The following KANK4 variants were observed in gnomAD, a reference collection of about 807,000 sequenced individuals.
The protein encoded by KANK4 is KN motif and ankyrin repeat domain-containing protein 4.
KANK4 carries 50 observed loss-of-function variants against 80.8 expected under a neutral mutation model. That is an observed-to-expected ratio of 0.62 (90% CI 0.49 to 0.78). The LOEUF is 0.78. Ranked by LOEUF, KANK4 falls within the 30% of genes least tolerant of loss-of-function variation. KANK4 has a pLI of 0.00. For synonymous variants in KANK4, 465 were observed against 506.9 expected (o/e 0.92, Z 1.11); for missense variants, 1,196 against 1,240.1 (o/e 0.96, Z 0.53).
chr1:62,300,637 G>A (rs1007696030), intron 1 of KANK4, among the ~76,000 whole-genome samples: 3 of 152,060 alleles, frequency 2.0e-5, no homozygotes, highest in Non-Finnish European at 4.4e-5. Flanking sequence ...GTACAGGGTC[G>A]GGGAAGCGGA....
In KANK4 at chr1:62,273,561, C is replaced by T. The variant is rs555525766; in HGVS notation, c.1543G>A (p.Gly515Arg). ...GTEQEGGPQG[G>R]TRGAGGFLWG... is the part of the protein sequence containing the mutation. ...AGAAAGCCTCCTGCTCCCCTGGTTC[C>T]TCCCTGAGGGCCTCCTTCCTGTTCA... The change falls in exon 3 of 10, where the codon GGA becomes AGA. Residue 515 changes from glycine to arginine, a missense_variant. Physicochemically the swap from Gly to Arg is moderately radical, Grantham distance 125. This residue lies in a region of KANK4 where 1,154 missense variants were observed against 1,179.6 expected (regional missense o/e 0.98). Coordinates refer to ENST00000371153, the MANE Select transcript of KANK4 (RefSeq NM_181712.5). 61 of 1,613,940 alleles carry T rather than the reference C, an allele frequency of 3.8e-5. No individual in the cohort carries two copies. The Middle Eastern group carries it at 6.6e-4, about 17-fold the overall frequency.
At chr1:62,283,146 G>A (rs1386970134) in intron 1 of KANK4, among the ~76,000 whole-genome samples, 1 of 152,226 alleles carries the variant, frequency 6.6e-6, no homozygotes. Flanking sequence ...GCAGGAGGCA[G>A]TGGCAGGTGA....
chr1:62,263,346 C>T (rs771766012), intron 6 of KANK4, 35 bp from the exon 7 acceptor site: 10 of 1,544,856 alleles, frequency 6.5e-6, no homozygotes, highest in South Asian at 2.3e-5. Context: ...CCAAGAGGTT[C>T]CCCGGCCAGC....
At chr1:62,303,623 C>T (rs1378509694) in intron 1 of KANK4, among the ~76,000 whole-genome samples, 3 of 151,980 alleles carry the variant, frequency 2.0e-5, no homozygotes, top group African/African-American at 7.2e-5. Flanking sequence ...TAACTAACTA[C>T]TGAGCACTTG....
Position 62,273,725 on chromosome 1 carries a change from C to T in KANK4, c.1379G>A (p.Gly460Asp), listed in dbSNP as rs765197096. 35 of 1,613,998 alleles carry T rather than the reference C, an allele frequency of 2.2e-5. No homozygotes were observed. Among genetic ancestry groups the T allele is most frequent in the Middle Eastern group, 1.6e-4 (1 of 6,082 alleles). The change falls in exon 3 of 10, where the codon GGT becomes GAT. Residue 460 changes from glycine (G) to aspartate (D), a missense_variant. Around this residue, in one of 3 missense-constraint regions of KANK4, gnomAD observed 1,154 missense variants for 1,179.6 expected, o/e 0.98. Coordinates refer to ENST00000371153, the MANE Select transcript of KANK4 (RefSeq NM_181712.5). ...EENGLLWGPD[G>D]HKQGNQSPAE... ...TGGGCTCTGATTCCCTTGTTTATGA[C>T]CATCTGGCCCCCATAGGAGGCCATT...
In KANK4 at chr1:62,268,494, G is replaced by C. The variant is rs1268431570; in HGVS notation, c.2024C>G (p.Thr675Ser). 1.7e-5 allele frequency: 28 copies of C among 1,613,386 alleles called. No homozygotes were observed. Among genetic ancestry groups the C allele is most frequent in the Middle Eastern group, 1.6e-4 (1 of 6,084 alleles). Residue 675 changes from threonine (T) to serine (S), a missense_variant, in exon 5 of 10, where the codon ACC (threonine) becomes AGC (serine). Physicochemically the swap from Thr to Ser is moderately conservative, Grantham distance 58 (BLOSUM62 1). Coordinates refer to ENST00000371153, the MANE Select transcript of KANK4 (RefSeq NM_181712.5). ...FVGVNGGYET[T>S]SSEETSGEDS... ...CTCACCGCTGGTCTCCTCACTTGAG[G>C]TGGTCTCATACCTGGGGTAGAAAAC...
At chr1:62,265,654 G>A (rs1672001128) in intron 6 of KANK4, among the ~76,000 whole-genome samples, 1 of 152,144 alleles carries the variant, frequency 6.6e-6, no homozygotes, top group South Asian at 2.1e-4. Context: ...TTACTTCTAG[G>A]GCTCTTTTGC....
chr1:62,253,004 G>T, intron 8 of KANK4, 63 bp downstream of exon 8: 2 of 1,568,206 alleles, frequency 1.3e-6, no homozygotes, highest in Non-Finnish European at 1.7e-6. Context: ...CACCCCACTA[G>T]CAGAATAAAG....
intron 1 of KANK4, among the ~76,000 whole-genome samples, chr1:62,313,872 A>AC (rs1553134784): frequency 6.6e-6 from 1 of 151,612 alleles, no homozygotes; most frequent in African/African-American, 2.4e-5. Flanking sequence ...AAAATAATAA[A>AC]TTTTTTTTTA....
At chr1:62,260,224 G>A (rs926022435) in intron 7 of KANK4, among the ~76,000 whole-genome samples, 2 of 152,022 alleles carry the variant, frequency 1.3e-5, no homozygotes, top group African/African-American at 2.4e-5. Context: ...AGGCTTTCCC[G>A]GCTCCTCCCA....
chr1:62,268,583 G>T, intron 4 of KANK4, 78 bp from the exon 5 acceptor site: 3 of 1,185,398 alleles, frequency 2.5e-6, no homozygotes, highest in Non-Finnish European at 3.7e-6. Context: ...AGCTGGGTGG[G>T]CCTCGGGTAA....
In KANK4 at chr1:62,295,290, C is replaced by T. The variant is rs1350385681; in HGVS notation, c.-70-13656G>A. Among the ~76,000 whole-genome samples, 4 of 152,278 alleles carry T rather than the reference C, an allele frequency of 2.6e-5. No homozygotes were observed. In the East Asian group the frequency reaches 5.8e-4, roughly 22 times the overall value. On this transcript the variant is annotated intron_variant, in intron 1 of 9. Coordinates refer to ENST00000371153, the MANE Select transcript of KANK4 (RefSeq NM_181712.5). ...AGTAGCTACAGGGACTATAGGCGCCCGCCACAAAGCCCGGCTAATTTTTTT... is the reference window on the plus strand; with the variant it reads ...AGTAGCTACAGGGACTATAGGCGCCTGCCACAAAGCCCGGCTAATTTTTTT...
rs868704994 is a variant in KANK4, at chr1:62,301,815, A to G, written c.-71+17291T>C. On this transcript the variant is annotated intron_variant, in intron 1 of 9. Transcript: ENST00000371153. ...TCACCAACCAGAGAGAAAGCAAGGA[A>G]GAAAGCACTTGGCACCTAACAGCTG... 4.6e-5 allele frequency among the ~76,000 whole-genome samples: 7 copies of G among 152,114 alleles called. 1 individual carries two copies. The highest frequency in any genetic ancestry group is 7.4e-5 in the Non-Finnish European group (5 of 68,016).
rs113961902 is a variant in KANK4, at chr1:62,253,151, G to A, written c.2598C>T (p.Pro866=). ...KAGYTAVMIT[P]LASAETNEDM... ...CTTCATTGGTCTCTGCGGAAGCCAA[G>A]GGAGTGATCATTACGGCAGTGTAGC... The change falls in exon 8 of 10, where the codon CCC becomes CCT. Residue 866 remains proline (P), a synonymous_variant. Coordinates refer to ENST00000371153, the MANE Select transcript of KANK4 (RefSeq NM_181712.5). The A allele has an allele frequency of 1.2e-6, 2 of 1,613,604 alleles. No homozygotes were observed.
chr1:62,315,951 G>C (rs924617779), intron 1 of KANK4, among the ~76,000 whole-genome samples: 1 of 152,230 alleles, frequency 6.6e-6, no homozygotes, highest in African/African-American at 2.4e-5. Context: ...CTGGCACAGA[G>C]CAGAGGCTCA....
chr1:62,245,362 G>A (rs1300287164), intron 9 of KANK4, among the ~76,000 whole-genome samples: 1 of 152,210 alleles, frequency 6.6e-6, no homozygotes, highest in Non-Finnish European at 1.5e-5. Context: ...ACAGGACCTA[G>A]AGTCACTGGA....
intron 7 of KANK4, among the ~76,000 whole-genome samples, chr1:62,256,460 A>T (rs1018593683): frequency 4.0e-5 from 6 of 150,614 alleles, no homozygotes; most frequent in Non-Finnish European, 5.9e-5. Context: ...ATCTCAGCTC[A>T]CTGCGATCTC....
At chr1:62,306,694 T>A (rs1644454404) in intron 1 of KANK4, among the ~76,000 whole-genome samples, 1 of 152,162 alleles carries the variant, frequency 6.6e-6, no homozygotes, top group Non-Finnish European at 1.5e-5. Flanking sequence ...CTAACTGGTA[T>A]GATATTTATA....
chr1:62,285,821 C>T (rs1242559753), intron 1 of KANK4, among the ~76,000 whole-genome samples: 1 of 152,096 alleles, frequency 6.6e-6, no homozygotes, highest in Non-Finnish European at 1.5e-5. Context: ...TTGGACTGAT[C>T]ATGCCAAGAT....
Sources: allele counts gnomAD v4.1 joint callset (sites outside exome capture counted in the v4.1 genomes callset), GRCh38; gene constraint gnomAD v4.1.1; regional missense constraint gnomAD v4.1.1; transcripts MANE v1.5; gene names NCBI Gene and HGNC (gene_info 2026-07-23, HGNC 2026-07-21).